DNAH7: variants seen among roughly 807,000 people sequenced by gnomAD.
DNAH7 encodes the protein dynein axonemal heavy chain 7.
A neutral mutation model predicts 444.6 loss-of-function variants in DNAH7; 397 were observed. The ratio of observed to expected loss-of-function variants is 0.89; its 90% confidence interval spans 0.82 to 0.97. The LOEUF is 0.97. Among genes scored for constraint, DNAH7 ranks in the 50% least tolerant of loss-of-function variants. DNAH7 has a pLI of 0.00. For synonymous variants in DNAH7, 1,636 were observed against 1,624.4 expected (o/e 1.01, Z -0.17); for missense variants, 4,902 against 4,800.8 (o/e 1.02, Z -0.62).
chr2:195,925,575 T>C (rs1017741460), intron 22 of DNAH7, among the ~76,000 whole-genome samples: 1 of 152,158 alleles, frequency 6.6e-6, no homozygotes, highest in Non-Finnish European at 1.5e-5. Flanking sequence ...TATTCCTTCT[T>C]GTAGAGGAGA....
chr2:196,006,445 T>G (rs190494432), intron 10 of DNAH7, among the ~76,000 whole-genome samples: 448 of 151,998 alleles, frequency 2.9e-3, no homozygotes, highest in Middle Eastern at 0.01. Context: ...ATTATCTCAA[T>G]AGATTCAAAA....
At chr2:195,829,868 T>C (rs1697975109) in intron 48 of DNAH7, among the ~76,000 whole-genome samples, 1 of 152,078 alleles carries the variant, frequency 6.6e-6, no homozygotes, top group Non-Finnish European at 1.5e-5. Context: ...GAAAGATATT[T>C]GTAGTGTCTT....
chr2:195,975,854 G>A (rs1383283891), intron 15 of DNAH7, among the ~76,000 whole-genome samples: 1 of 152,118 alleles, frequency 6.6e-6, no homozygotes, highest in Non-Finnish European at 1.5e-5. Flanking sequence ...TGCAGTCCTG[G>A]CACAATTCAT....
chr2:195,855,580 T>C (rs554988381), intron 45 of DNAH7, among the ~76,000 whole-genome samples: 43 of 152,154 alleles, frequency 2.8e-4, no homozygotes, highest in Non-Finnish European at 3.5e-4. Context: ...ATTTACATAT[T>C]TCATGGGTAT....
chr2:195,960,688 C>G lies in DNAH7; in HGVS notation c.2463G>C (p.Leu821Phe), dbSNP rs367575835. Reference protein sequence around the residue: ...EKTFHDSPYALAMTKKVRSKV... With the variant: ...EKTFHDSPYAFAMTKKVRSKV... Reference sequence around the variant, plus strand: ...TTGATCTTACTTTTTTTGTCATTGCCAATGCATATGGAGAATCATGAAAGG... The same window carrying G: ...TTGATCTTACTTTTTTTGTCATTGCGAATGCATATGGAGAATCATGAAAGG... The change falls in exon 18 of 65, where the codon TTG (leucine) becomes TTC (phenylalanine). Residue 821 changes from leucine (L) to phenylalanine (F), a missense_variant. Coordinates refer to ENST00000312428, the MANE Select transcript of DNAH7 (RefSeq NM_018897.3). 9.9e-6 allele frequency: 16 copies of G among 1,614,144 alleles called. No individual in the cohort carries two copies. Among genetic ancestry groups the G allele is most frequent in the Non-Finnish European group, 1.4e-5 (16 of 1,180,014 alleles).
At chr2:195,796,964 A>G (rs1696175369) in intron 55 of DNAH7, among the ~76,000 whole-genome samples, 1 of 152,218 alleles carries the variant, frequency 6.6e-6, no homozygotes. Flanking sequence ...AATAAATGGA[A>G]AATTCTGTAG....
At chr2:195,996,623 A>G (rs2125671623) in intron 12 of DNAH7, among the ~76,000 whole-genome samples, 1 of 151,848 alleles carries the variant, frequency 6.6e-6, no homozygotes, top group African/African-American at 2.4e-5. Flanking sequence ...ACAGGGTTTC[A>G]CCATGTTGGC....
chr2:195,900,193 C>T, intron 28 of DNAH7, 89 bp downstream of exon 28: 1 of 1,393,784 alleles, frequency 7.2e-7, no homozygotes. Flanking sequence ...ATTAAGGAAA[C>T]CAACAAGTTA....
intron 8 of DNAH7, among the ~76,000 whole-genome samples, chr2:196,020,613 T>A (rs889009526): frequency 1.5e-5 from 1 of 66,178 alleles, no homozygotes; most frequent in Admixed American, 1.5e-4. Context: ...GGGGCTTTTG[T>A]TTTTTTTTTT....
At chr2:195,753,945 T>C (rs1693938768) in intron 63 of DNAH7, among the ~76,000 whole-genome samples, 1 of 152,220 alleles carries the variant, frequency 6.6e-6, no homozygotes, top group African/African-American at 2.4e-5. Context: ...ATGCTGTACA[T>C]GTCAAGTCCC....
chr2:195,978,373 G>T (rs971083132), intron 15 of DNAH7, among the ~76,000 whole-genome samples: 1 of 151,550 alleles, frequency 6.6e-6, no homozygotes, highest in African/African-American at 2.4e-5. Context: ...AAAATTTATG[G>T]TAACCTCAAA....
chr2:195,860,594 A>T (rs1471710382), intron 42 of DNAH7, among the ~76,000 whole-genome samples: 1 of 152,158 alleles, frequency 6.6e-6, no homozygotes, highest in Non-Finnish European at 1.5e-5. Flanking sequence ...CTATGAATAC[A>T]GATGAGGAGT....
At chr2:195,787,827 T>A (rs1238628314) in intron 57 of DNAH7, among the ~76,000 whole-genome samples, 1 of 151,948 alleles carries the variant, frequency 6.6e-6, no homozygotes, top group Non-Finnish European at 1.5e-5. Context: ...GTCGCCACAC[T>A]CCTCCAACAG....
intron 16 of DNAH7, among the ~76,000 whole-genome samples, chr2:195,970,904 A>C (rs1691796844): frequency 6.6e-6 from 1 of 152,172 alleles, no homozygotes; most frequent in Non-Finnish European, 1.5e-5. Context: ...TGAGAGGAAA[A>C]GTTCATCAAC....
At position 195,920,491 on chromosome 2, in the gene DNAH7, T is replaced by A. The variant is rs143331673; in HGVS notation, c.3935+1597A>T. 3.3e-5 allele frequency among the ~76,000 whole-genome samples: 5 copies of A among 152,268 alleles called. No homozygotes were observed. The East Asian group carries it at 9.7e-4, about 29-fold the overall frequency. On this transcript the variant is annotated intron_variant, in intron 24 of 64. Coordinates refer to ENST00000312428, the MANE Select transcript of DNAH7 (RefSeq NM_018897.3). ...GGGAAAGGACATGCTATTCAACAAA[T>A]GTGTTGGGATAACTGGCAAGCCATA...
chr2:195,931,262 T>C (rs1688675832), intron 21 of DNAH7, among the ~76,000 whole-genome samples: 1 of 152,232 alleles, frequency 6.6e-6, no homozygotes, highest in Admixed American at 6.5e-5. Context: ...TCCCCACTTG[T>C]TGATGGGGTT....
At chr2:195,940,709 A>C (rs1395022923) in intron 19 of DNAH7, among the ~76,000 whole-genome samples, 1 of 152,170 alleles carries the variant, frequency 6.6e-6, no homozygotes, top group Non-Finnish European at 1.5e-5. Flanking sequence ...AAAGTGGGTG[A>C]AGGATATAAA....
rs563162402 is a variant in DNAH7 at position 195,960,568 on chromosome 2, A to G, written c.2583T>C (p.Val861=). The G allele has an allele frequency of 1.9e-6, 3 of 1,614,242 alleles. No individual in the cohort carries two copies. The highest frequency in any genetic ancestry group is 2.5e-6 in the Non-Finnish European group (3 of 1,180,028). Residue 861 remains valine (V), a synonymous_variant, in exon 18 of 65, where the codon GTT becomes GTC. Transcript: ENST00000312428. ...CATCTGATGGCTGCAAAGGGTAACC[A>G]ACAATGGCAGACATGGCCTCCCAGT... ...PRHWEAMSAI[V]GYPLQPSDDS...
intron 22 of DNAH7, among the ~76,000 whole-genome samples, chr2:195,925,857 G>C (rs181883173): frequency 2.0e-5 from 3 of 152,164 alleles, no homozygotes; most frequent in Non-Finnish European, 2.9e-5. Flanking sequence ...CTGCTGCAAT[G>C]AATGTAATTT....
Sources: gnomAD v4.1 joint callset for allele counts (sites outside exome capture counted in the v4.1 genomes callset) on GRCh38, gnomAD v4.1.1 for gene constraint, MANE v1.5 for transcripts, NCBI Gene and HGNC (gene_info 2026-07-23, HGNC 2026-07-21) for gene names.